Variants in RIPK2 observed in about 807,000 individuals in gnomAD.
RIPK2 encodes receptor-interacting serine/threonine-protein kinase 2.
In RIPK2, 38 loss-of-function variants were observed where a neutral mutation model predicts 60.9. The observed-to-expected ratio is 0.62, with a 90% CI of 0.48 to 0.82. RIPK2 has a LOEUF of 0.82. Among genes scored for constraint, RIPK2 ranks in the 40% least tolerant of loss-of-function variants. The probability of loss-of-function intolerance (pLI) is 0.00; values close to 1 mark genes in which losing one functional copy is unlikely to be tolerated. For synonymous variants in RIPK2, 225 were observed against 223.4 expected (o/e 1.01, Z -0.06); for missense variants, 518 against 647.0 (o/e 0.80, Z 2.16).
chr8:89,777,258 A>T (rs1238346904), intron 6 of RIPK2, among the ~76,000 whole-genome samples: 4 of 152,254 alleles, frequency 2.6e-5, no homozygotes, highest in Non-Finnish European at 5.9e-5. Context: ...CAGAGAAGTA[A>T]GTATTGCCTA....
intron 9 of RIPK2, among the ~76,000 whole-genome samples, chr8:89,788,185 T>C (rs1408008419): frequency 6.6e-6 from 1 of 151,144 alleles, no homozygotes; most frequent in African/African-American, 2.4e-5. Context: ...CTACTAAAAA[T>C]ACAAAAAAAT....
chr8:89,788,696 G>C (rs974039701), intron 9 of RIPK2, among the ~76,000 whole-genome samples: 1 of 152,108 alleles, frequency 6.6e-6, no homozygotes, highest in African/African-American at 2.4e-5. Flanking sequence ...AGAATCGCTT[G>C]AACCTGAGAG....
chr8:89,766,511 T>TAAAGGGAGTCTTTG (rs1428269213), intron 3 of RIPK2, among the ~76,000 whole-genome samples: 63 of 152,008 alleles, frequency 4.1e-4, no homozygotes, highest in Admixed American at 1.3e-3. Context: ...GTTTTCTTAC[T>TAAAGGGAGTCTTTG]GTTGAGTTTT....
At chr8:89,771,846 C>G in intron 5 of RIPK2, 56 bp downstream of exon 5, 1 of 1,045,846 alleles carries the variant, frequency 9.6e-7, no homozygotes, top group Non-Finnish European at 1.5e-6. Flanking sequence ...AGGTCACTCT[C>G]AGAACTATCT....
intron 3 of RIPK2, among the ~76,000 whole-genome samples, chr8:89,765,818 A>G (rs1475962073): frequency 6.6e-6 from 1 of 151,744 alleles, no homozygotes; most frequent in African/African-American, 2.4e-5. Context: ...AAGGTAATAA[A>G]GAGGTTTCAT....
chr8:89,781,599 A>T (rs1276674053), intron 7 of RIPK2, among the ~76,000 whole-genome samples: 1 of 152,088 alleles, frequency 6.6e-6, no homozygotes, highest in Non-Finnish European at 1.5e-5. Context: ...TCTTGTATCA[A>T]TTCTGTGATA....
At chr8:89,768,712 G>T (rs1255205394) in intron 3 of RIPK2, among the ~76,000 whole-genome samples, 3 of 150,836 alleles carry the variant, frequency 2.0e-5, no homozygotes, top group African/African-American at 4.9e-5. Flanking sequence ...TTCTTAAATT[G>T]ACTCTTTTAT....
intron 9 of RIPK2, 131 bp downstream of exon 9, chr8:89,786,817 G>A: frequency 4.6e-6 from 3 of 650,610 alleles, no homozygotes; most frequent in South Asian, 3.6e-5. Flanking sequence ...AAGCGACAGA[G>A]TCTAAAGATA....
At chr8:89,783,280 T>G (rs1434830344) in intron 7 of RIPK2, among the ~76,000 whole-genome samples, 4 of 152,228 alleles carry the variant, frequency 2.6e-5, no homozygotes, top group African/African-American at 7.2e-5. Context: ...AAGCCTAGCT[T>G]ATATAGACAG....
intron 7 of RIPK2, among the ~76,000 whole-genome samples, chr8:89,783,076 A>AT (rs1299994872): frequency 6.6e-6 from 1 of 152,242 alleles, no homozygotes; most frequent in African/African-American, 2.4e-5. Context: ...ACACAGATGA[A>AT]TAAGAGTAAT....
At chr8:89,784,228 T>A in intron 8 of RIPK2, 89 bp downstream of exon 8, 1 of 781,362 alleles carries the variant, frequency 1.3e-6, no homozygotes, top group Non-Finnish European at 1.9e-6. Flanking sequence ...GCCCTTCTTT[T>A]ATAGAAGGAA....
intron 4 of RIPK2, 36 bp downstream of exon 4, chr8:89,769,965 G>C: frequency 6.8e-7 from 1 of 1,477,964 alleles, no homozygotes; most frequent in South Asian, 1.4e-5. Flanking sequence ...ATTTAACCTT[G>C]TCTCAGACAC....
Position 89,758,375 on chromosome 8 carries a change from C to T in RIPK2, c.173+142C>T, listed in dbSNP as rs1809086568. The T allele has an allele frequency of 1.5e-5, 13 of 857,824 alleles. 1 individual carries two copies. In the South Asian group the frequency reaches 1.9e-4, roughly 12 times the overall value. The allele number at this position is 857,824 out of a possible 1,614,324, so 53.1% of individuals were successfully genotyped here. On this transcript the variant is annotated intron_variant, in intron 1 of 10. Coordinates refer to ENST00000220751, the MANE Select transcript of RIPK2 (RefSeq NM_003821.6). ...CGTCACCTCTAGGGAGCCCTTCAAG[C>T]TTGGGAGATAGGGAGCACCCACCCT...
intron 2 of RIPK2, among the ~76,000 whole-genome samples, chr8:89,764,733 A>C (rs1253528595): frequency 6.6e-6 from 1 of 152,158 alleles, no homozygotes; most frequent in Non-Finnish European, 1.5e-5. Context: ...CACAAAAACA[A>C]AACAAAAGGC....
chr8:89,773,560 T>C (rs1809348453), intron 6 of RIPK2, among the ~76,000 whole-genome samples: 1 of 152,190 alleles, frequency 6.6e-6, no homozygotes, highest in Non-Finnish European at 1.5e-5. Context: ...TGGAAAGCCA[T>C]TAAAGTATCT....
chr8:89,768,793 A>G (rs1258947048), intron 3 of RIPK2, among the ~76,000 whole-genome samples: 1 of 151,514 alleles, frequency 6.6e-6, no homozygotes, highest in African/African-American at 2.4e-5. Context: ...AATTTTTTTT[A>G]TCTCAAATTC....
At chr8:89,780,186 A>G in intron 7 of RIPK2, 26 bp downstream of exon 7, 1 of 1,193,274 alleles carries the variant, frequency 8.4e-7, no homozygotes. Flanking sequence ...AAATGCTGGA[A>G]ATTAGAAATT....
At chr8:89,771,638 T>C in intron 4 of RIPK2, 103 bp from the exon 5 acceptor site, 1 of 699,060 alleles carries the variant, frequency 1.4e-6, no homozygotes. Context: ...CTTATCACTT[T>C]GAAAAATGGT....
intron 7 of RIPK2, chr8:89,780,711 T>C (rs1809483885): frequency 6.6e-6 from 1 of 152,168 alleles, no homozygotes; most frequent in Non-Finnish European, 1.5e-5. Flanking sequence ...CTCTTTTTAT[T>C]TAATGTACAT....
Sources: gnomAD v4.1 joint callset for allele counts (sites outside exome capture counted in the v4.1 genomes callset) on GRCh38, gnomAD v4.1.1 for gene constraint, MANE v1.5 for transcripts, NCBI Gene and HGNC (gene_info 2026-07-23, HGNC 2026-07-21) for gene names.